Variants in TNFAIP8 observed in about 807,000 individuals in gnomAD.
The protein encoded by TNFAIP8 is TNF alpha induced protein 8, also known as tumor necrosis factor alpha-induced protein 8.
A neutral mutation model predicts 13.3 loss-of-function variants in TNFAIP8; 7 were observed. The observed-to-expected ratio is 0.52, with a 90% CI of 0.30 to 0.99. The LOEUF is 0.99. TNFAIP8 is among the 50% of genes least tolerant of loss of function. TNFAIP8 has a pLI of 0.07. For synonymous variants in TNFAIP8, 94 were observed against 87.6 expected, an observed-to-expected ratio of 1.07 and a Z score of -0.41; for missense variants, 258 against 236.9, an observed-to-expected ratio of 1.09 and a Z score of -0.58.
At chr5:119,357,223 AG>A (rs1202374759) in intron 1 of TNFAIP8, among the ~76,000 whole-genome samples, 1 of 152,150 alleles carries the variant, frequency 6.6e-6, no homozygotes, top group Non-Finnish European at 1.5e-5. Flanking sequence ...AATAAAAAGG[AG>A]GTTTGTTTAA....
chr5:119,374,556 C>CA (rs1752207459), intron 1 of TNFAIP8, among the ~76,000 whole-genome samples: 2 of 152,312 alleles, frequency 1.3e-5, no homozygotes, highest in South Asian at 4.1e-4. Context: ...GTTGAAGAGT[C>CA]AGAGTTGGAC....
upstream of TNFAIP8, chr5:119,355,362 A>G (rs1343425944): frequency 1.4e-6 from 1 of 702,454 alleles, no homozygotes; most frequent in Non-Finnish European, 2.6e-6. Context: ...CTGAATGAGT[A>G]AGCAGCCCCG....
At chr5:119,279,031 A>G (rs1011044070) in intron 1 of TNFAIP8, among the ~76,000 whole-genome samples, 2 of 152,332 alleles carry the variant, frequency 1.3e-5, no homozygotes, top group South Asian at 2.1e-4. Context: ...TTACCATCCC[A>G]GTAATCATGG....
intron 1 of TNFAIP8, chr5:119,306,683 TC>T (rs1028341756): frequency 1.3e-4 from 20 of 152,208 alleles, no homozygotes; most frequent in African/African-American, 4.6e-4. Flanking sequence ...TAAAAAATTT[TC>T]CTAGGAGTGA....
intron 1 of TNFAIP8, among the ~76,000 whole-genome samples, chr5:119,269,864 G>A (rs1748225945): frequency 6.6e-6 from 1 of 152,050 alleles, no homozygotes; most frequent in African/African-American, 2.4e-5. Flanking sequence ...AAAGTTAATT[G>A]GAAGCTATGG....
intron 1 of TNFAIP8, among the ~76,000 whole-genome samples, chr5:119,356,339 A>G (rs1751415130): frequency 6.6e-6 from 1 of 152,088 alleles, no homozygotes. Context: ...GGGGAGGAAA[A>G]GTCGGACCTA....
At chr5:119,289,130 G>GT (rs1424454740) in intron 1 of TNFAIP8, among the ~76,000 whole-genome samples, 1 of 152,204 alleles carries the variant, frequency 6.6e-6, no homozygotes, top group Non-Finnish European at 1.5e-5. Flanking sequence ...CAGCTTACCT[G>GT]TTAGGAATTA....
At chr5:119,279,221 G>T (rs1329428878) in intron 1 of TNFAIP8, among the ~76,000 whole-genome samples, 1 of 152,162 alleles carries the variant, frequency 6.6e-6, no homozygotes, top group East Asian at 1.9e-4. Flanking sequence ...GCCTGGCCAC[G>T]CTGGGATTTA....
chr5:119,309,364 G>T (rs1749661295), intron 1 of TNFAIP8, among the ~76,000 whole-genome samples: 1 of 152,306 alleles, frequency 6.6e-6, no homozygotes, highest in Admixed American at 6.5e-5. Context: ...GACTGTAGAA[G>T]TGTTCCTGAC....
At chr5:119,352,955 C>A (rs758439492), upstream of TNFAIP8, among the ~76,000 whole-genome samples, 2 of 152,090 alleles carry the variant, frequency 1.3e-5, 1 homozygote, top group South Asian at 4.1e-4. Flanking sequence ...ATGAATAAAC[C>A]TTCAGAATCT....
intron 1 of TNFAIP8, among the ~76,000 whole-genome samples, chr5:119,312,296 T>C (rs964645818): frequency 1.3e-5 from 2 of 152,228 alleles, no homozygotes; most frequent in Non-Finnish European, 2.9e-5. Context: ...CTTGGCAATT[T>C]GCTTAACTAC....
chr5:119,274,998 A>G (rs1168633148), intron 1 of TNFAIP8, among the ~76,000 whole-genome samples: 1 of 144,268 alleles, frequency 6.9e-6, no homozygotes, highest in Non-Finnish European at 1.5e-5. Flanking sequence ...AGCTAGCTGT[A>G]GGGATTTTTT....
intron 1 of TNFAIP8, among the ~76,000 whole-genome samples, chr5:119,277,586 T>A (rs1179952474): frequency 1.3e-5 from 2 of 152,210 alleles, no homozygotes; most frequent in Non-Finnish European, 2.9e-5. Context: ...TTTAACTGAG[T>A]CACCTCTTTA....
intron 1 of TNFAIP8, among the ~76,000 whole-genome samples, chr5:119,378,069 T>G (rs1430955741): frequency 2.0e-5 from 3 of 152,068 alleles, no homozygotes; most frequent in African/African-American, 7.2e-5. Flanking sequence ...TCAAAGAAAA[T>G]CAGACACACA....
At chr5:119,374,890 C>T (rs1026227545) in intron 1 of TNFAIP8, among the ~76,000 whole-genome samples, 1 of 151,970 alleles carries the variant, frequency 6.6e-6, no homozygotes, top group Non-Finnish European at 1.5e-5. Context: ...ATACTAATTA[C>T]AGAAATAAAA....
chr5:119,318,958 C>T (rs565075513), intron 1 of TNFAIP8, among the ~76,000 whole-genome samples: 3 of 152,270 alleles, frequency 2.0e-5, no homozygotes, highest in Non-Finnish European at 2.9e-5. Flanking sequence ...AATAACAGCT[C>T]ATATGATATT....
chr5:119,295,762 A>G lies in TNFAIP8; in HGVS notation c.1+26855A>G, dbSNP rs376332721. Among the ~76,000 whole-genome samples the G allele has an allele frequency of 8.5e-3, 1,300 of 152,170 alleles. 21 individuals are homozygous for G. Among genetic ancestry groups the G allele is most frequent in the South Asian group, 0.05 (243 of 4,818 alleles). On this transcript the variant is annotated intron_variant, in intron 1 of 1. Transcript: ENST00000274456. The stretch of plus-strand genomic sequence containing the variant: ...CGATGTTGATTCTTCCTACCCATGA[A>G]CATGGAATGTTCTTCCATTTGTTTG...
At chr5:119,293,253 A>G (rs1441923672) in intron 1 of TNFAIP8, among the ~76,000 whole-genome samples, 7 of 152,102 alleles carry the variant, frequency 4.6e-5, no homozygotes, top group Admixed American at 2.6e-4. Context: ...CAAATGTACA[A>G]TAGATTGTTA....
chr5:119,306,340 T>TC (rs1749563210), intron 1 of TNFAIP8: 2 of 149,882 alleles, frequency 1.3e-5, no homozygotes, highest in African/African-American at 5.0e-5. Context: ...TTTTTTTTTT[T>TC]CCAAGATGGG....
Sources: allele counts gnomAD v4.1 joint callset (sites outside exome capture counted in the v4.1 genomes callset), GRCh38; gene constraint gnomAD v4.1.1; transcripts MANE v1.5; gene names NCBI Gene and HGNC (gene_info 2026-07-23, HGNC 2026-07-21).